Variants in LGI1 observed in about 807,000 individuals in gnomAD.
LGI1 encodes the protein leucine rich glioma inactivated 1.
In LGI1, 11 loss-of-function variants were observed where a neutral mutation model predicts 57.7. That is an observed-to-expected ratio of 0.19 (90% CI 0.12 to 0.32). The LOEUF is 0.32. LGI1 is among the 10% of genes least tolerant of loss of function. The pLI, the probability that LGI1 is intolerant of heterozygous loss-of-function variation, is 1.00. For synonymous variants in LGI1, 222 were observed against 241.9 expected, an observed-to-expected ratio of 0.92 and a Z score of 0.76; for missense variants, 422 against 661.9, an observed-to-expected ratio of 0.64 and a Z score of 3.98.
In LGI1 at chr10:93,795,425, A is replaced by G. The variant is rs548570445; in HGVS notation, c.839-1543A>G. Among the ~76,000 whole-genome samples the G allele has an allele frequency of 3.9e-5, 6 of 152,272 alleles. No individual in the cohort carries two copies. In the East Asian group the frequency reaches 1.2e-3, roughly 29 times the overall value. Reference sequence around the variant, plus strand: ...GCAGAAGGGCAAAAAAAGATCTAACAGACTCGCTCAAGCCCTTTTGCAAGG... The same window carrying G: ...GCAGAAGGGCAAAAAAAGATCTAACGGACTCGCTCAAGCCCTTTTGCAAGG... On this transcript the variant is annotated intron_variant, in intron 7 of 7. Transcript: ENST00000371418.
chr10:93,772,210 T>C (rs1441760184), intron 2 of LGI1, among the ~76,000 whole-genome samples: 1 of 152,090 alleles, frequency 6.6e-6, no homozygotes, highest in East Asian at 1.9e-4. Context: ...CATGATTTCA[T>C]AGAGAAATAA....
At position 93,758,624 on chromosome 10, in the gene LGI1, T is replaced by G. The variant is rs2059589848; in HGVS notation, c.216-136T>G. 4.1e-6 allele frequency: 3 copies of G among 723,112 alleles called. No individual in the cohort carries two copies. The allele number at this position is 723,112 out of a possible 1,614,324, so 44.8% of individuals were successfully genotyped here. On this transcript the variant is annotated intron_variant, in intron 1 of 7. Coordinates refer to ENST00000371418, the MANE Select transcript of LGI1 (RefSeq NM_005097.4). The surrounding 1 kb of genome is among the most constrained non-coding windows in gnomAD (Gnocchi z 4.7). ...TTCTCTTACTTCATCTGGGAAGGAA[T>G]AGTATCGTACTTCATAAAATAGTGT...
At chr10:93,777,333 C>A in intron 2 of LGI1, 46 bp from the exon 3 acceptor site, 1 of 1,549,462 alleles carries the variant, frequency 6.5e-7, no homozygotes, top group Non-Finnish European at 8.9e-7. Flanking sequence ...CCAAGATTGA[C>A]AATCTGTCAG....
intron 7 of LGI1, chr10:93,794,570 G>A (rs2059964956): frequency 6.6e-6 from 1 of 151,830 alleles, no homozygotes. Flanking sequence ...TCACCAAGTT[G>A]GTCAGGCTGG....
In LGI1 at chr10:93,797,494, C is replaced by T. The variant is rs762002155; in HGVS notation, c.1365C>T (p.Ser455=). Residue 455 remains serine (S), a synonymous_variant, in exon 8 of 8, where the codon TCC becomes TCT. Coordinates refer to ENST00000371418, the MANE Select transcript of LGI1 (RefSeq NM_005097.4). The surrounding 1 kb of genome is among the most constrained non-coding windows in gnomAD (Gnocchi z 6.5). ...YICLTRFIGD[S]KVMKWGGSSF... is the part of the protein sequence containing the mutation. ...GCTTGACAAGATTCATTGGTGATTC[C>T]AAAGTCATGAAATGGGGAGGCTCCT... 5 of 1,614,162 alleles carry T rather than the reference C, an allele frequency of 3.1e-6. No homozygotes were observed. Among genetic ancestry groups the T allele is most frequent in the Non-Finnish European group, 4.2e-6 (5 of 1,180,032 alleles).
At chr10:93,783,480 T>TC (rs2059867659) in intron 4 of LGI1, among the ~76,000 whole-genome samples, 1 of 152,202 alleles carries the variant, frequency 6.6e-6, no homozygotes, top group South Asian at 2.1e-4. Flanking sequence ...TTAAAGAGCC[T>TC]CCACGTTGCC....
At chr10:93,782,260 A>G (rs549447147) in intron 4 of LGI1, among the ~76,000 whole-genome samples, 76 of 152,298 alleles carry the variant, frequency 5.0e-4, no homozygotes, top group Admixed American at 1.4e-3. Context: ...TTTGCACCTT[A>G]ACAGCTGTGG....
intron 4 of LGI1, among the ~76,000 whole-genome samples, chr10:93,781,172 C>G (rs2059843504): frequency 6.6e-6 from 1 of 152,090 alleles, no homozygotes; most frequent in South Asian, 2.1e-4. Flanking sequence ...TCCTGGCTAA[C>G]ATGGTGAAAC....
chr10:93,779,871 G>A (rs541921309), intron 4 of LGI1, among the ~76,000 whole-genome samples: 2 of 152,296 alleles, frequency 1.3e-5, no homozygotes, highest in South Asian at 4.2e-4. Context: ...GAGGGAACAG[G>A]GGTTAAGGCT....
At position 93,797,956 on chromosome 10, in the gene LGI1, T is replaced by C; in HGVS notation, c.*153T>C. The C allele has an allele frequency of 2.9e-6, 2 of 699,398 alleles. No homozygotes were observed. The highest frequency in any genetic ancestry group is 5.2e-6 in the Non-Finnish European group (2 of 385,836). 43.3% of individuals were successfully genotyped at this position (699,398 alleles called of 1,614,324 possible). The stretch of plus-strand genomic sequence containing the variant: ...CAAGCACTACCAGTATCTCCATCCT[T>C]AACTGTCCAGTCCAGTGATGTGGGA... On this transcript the variant is annotated 3_prime_UTR_variant, in exon 8 of 8. Coordinates refer to ENST00000371418, the MANE Select transcript of LGI1 (RefSeq NM_005097.4). This position sits in a 1 kb window ranked among gnomAD's most constrained non-coding sequence, Gnocchi z 6.5.
chr10:93,774,767 C>A (rs2133997367), intron 2 of LGI1, among the ~76,000 whole-genome samples: 1 of 152,250 alleles, frequency 6.6e-6, no homozygotes, highest in East Asian at 1.9e-4. Flanking sequence ...TTTCCCTTAA[C>A]AGAGACTGTG....
At chr10:93,788,859 G>C (rs2059911300) in intron 4 of LGI1, 1 of 152,068 alleles carries the variant, frequency 6.6e-6, no homozygotes, top group Non-Finnish European at 1.5e-5. Flanking sequence ...AATTTTCAAG[G>C]GTTTAGAGGC....
chr10:93,781,022 T>G (rs1303883694), intron 4 of LGI1, among the ~76,000 whole-genome samples: 3 of 152,170 alleles, frequency 2.0e-5, no homozygotes, highest in East Asian at 1.9e-4. Flanking sequence ...TATACAGAGA[T>G]GTCAGTAGAT....
intron 7 of LGI1, among the ~76,000 whole-genome samples, chr10:93,795,262 G>A (rs567860413): frequency 7.9e-5 from 12 of 152,096 alleles, no homozygotes; most frequent in South Asian, 2.1e-4. Context: ...CCTTGACTGC[G>A]TAATTTATAA....
At chr10:93,792,284 A>T (rs1190697542) in intron 5 of LGI1, 1 of 170,614 alleles carries the variant, frequency 5.9e-6, no homozygotes, top group Admixed American at 5.6e-5. Context: ...GACTTCAAAG[A>T]CTTAGTATAA....
chr10:93,766,701 G>T (rs570526176), intron 2 of LGI1: 43 of 151,924 alleles, frequency 2.8e-4, no homozygotes, highest in African/African-American at 1.0e-3. Flanking sequence ...TAGAGACGGG[G>T]TTTCACCGTG....
At chr10:93,784,501 G>A (rs1481681259) in intron 4 of LGI1, among the ~76,000 whole-genome samples, 6 of 152,102 alleles carry the variant, frequency 3.9e-5, no homozygotes, top group Non-Finnish European at 5.9e-5. Flanking sequence ...CCCTGTCCAC[G>A]TCACCCCTGT....
At chr10:93,775,587 C>A (rs890532201) in intron 2 of LGI1, among the ~76,000 whole-genome samples, 1 of 152,176 alleles carries the variant, frequency 6.6e-6, no homozygotes, top group Non-Finnish European at 1.5e-5. Context: ...TCAGTGTCCA[C>A]TAGAGGACAG....
At chr10:93,772,024 G>A (rs998233007) in intron 2 of LGI1, 9 of 151,036 alleles carry the variant, frequency 6.0e-5, no homozygotes, top group Non-Finnish European at 1.0e-4. Context: ...CATAATAGGA[G>A]TTGATGTATT....
Sources: gnomAD v4.1 joint callset for allele counts (sites outside exome capture counted in the v4.1 genomes callset) on GRCh38, gnomAD v4.1.1 for gene constraint, Gnocchi (gnomAD v3.1) non-coding constraint, MANE v1.5 for transcripts, NCBI Gene and HGNC (gene_info 2026-07-23, HGNC 2026-07-21) for gene names.